Variants in NTNG2 observed in about 807,000 individuals in gnomAD.
The protein encoded by NTNG2 is netrin-G2.
Under a neutral mutation model 47.6 loss-of-function variants are expected in NTNG2, and 15 were observed. That is an observed-to-expected ratio of 0.32 (90% CI 0.21 to 0.49). NTNG2 has a LOEUF of 0.49. NTNG2 is among the 20% of genes least tolerant of loss of function. NTNG2 has a pLI of 0.99. For synonymous variants in NTNG2, 307 were observed against 324.6 expected (o/e 0.95, Z 0.58); for missense variants, 578 against 764.6 (o/e 0.76, Z 2.88).
intron 2 of NTNG2, among the ~76,000 whole-genome samples, chr9:132,186,595 T>A (rs11243655): frequency 0.52 from 79,659 of 152,070 alleles, 23,489 homozygotes; most frequent in African/African-American, 0.81. Context: ...GCTTCCCAGT[T>A]GACCCTCTCC....
chr9:132,201,406 T>C lies in NTNG2; in HGVS notation c.857+2797T>C, dbSNP rs528466520. On this transcript the variant is annotated intron_variant, in intron 3 of 7. Transcript: ENST00000393229. ...AACACTCTTCAGGCGGCAGCTTGGC[T>C]TGTCGTTGAACTCGGTTGGGTTAGA... Among the ~76,000 whole-genome samples the C allele has an allele frequency of 5.9e-5, 9 of 152,382 alleles. No individual in the cohort carries two copies. The South Asian group carries it at 1.9e-3, about 32-fold the overall frequency.
Position 132,239,186 on chromosome 9 carries a change from C to T in NTNG2, c.1137C>T (p.Asn379=). 1 of 1,613,916 alleles carries T rather than the reference C, an allele frequency of 6.2e-7. No individual in the cohort carries two copies. The highest frequency in any genetic ancestry group is 2.2e-5 in the East Asian group (1 of 44,892). ...TGACCTGCGTCAGCTGCAAGCACAACACGCGAGGTCAGCACTGCCAGCACT... is the reference window on the plus strand; with the variant it reads ...TGACCTGCGTCAGCTGCAAGCACAATACGCGAGGTCAGCACTGCCAGCACT... The part of the protein sequence containing the change: ...NVVTCVSCKH[N]TRGQHCQHCR... Residue 379 remains asparagine (N), a synonymous_variant, in exon 6 of 8, where the codon AAC becomes AAT. Coordinates refer to ENST00000393229, the MANE Select transcript of NTNG2 (RefSeq NM_032536.4).
rs555706880 is a variant in NTNG2 at position 132,162,537 on chromosome 9, T to A, written c.-484+298T>A. ...GTCCTTTCCGTCGTGTGTGTGAGAG[T>A]GTGTGTGTGTGTGTGTGTGAGAGAG... On this transcript the variant is annotated intron_variant, in intron 1 of 7. Transcript: ENST00000393229. This position sits in a 1 kb window ranked among gnomAD's most constrained non-coding sequence, Gnocchi z 4.6. Among the ~76,000 whole-genome samples, 99 of 100,506 alleles carry A rather than the reference T, an allele frequency of 9.9e-4. No individual in the cohort carries two copies. Among genetic ancestry groups the A allele is most frequent in the African/African-American group, 3.5e-3 (71 of 20,244 alleles). The allele number at this position is 100,506 out of a possible 152,430, so 65.9% of individuals were successfully genotyped here.
At chr9:132,227,870 G>T (rs949350294) in intron 4 of NTNG2, among the ~76,000 whole-genome samples, 2 of 152,232 alleles carry the variant, frequency 1.3e-5, no homozygotes, top group Admixed American at 1.3e-4. Context: ...GCCACAGACT[G>T]CCCCTGGGGT....
chr9:132,226,843 C>G lies in NTNG2; in HGVS notation c.858-6C>G. On this transcript the variant is annotated splice_polypyrimidine_tract_variant and splice_region_variant and intron_variant, in intron 3 of 7. Transcript: ENST00000393229. This position sits in a 1 kb window ranked among gnomAD's most constrained non-coding sequence, Gnocchi z 4.8. ...TGACATCTCTGCCCTCTCGGTGTCT[C>G]CCCAGGTGCAAGTGCAACCTGCACG... 6.3e-7 allele frequency: 1 copy of G among 1,592,844 alleles called. No homozygotes were observed. Among genetic ancestry groups the G allele is most frequent in the African/African-American group, 1.3e-5 (1 of 74,300 alleles).
chr9:132,199,781 C>A (rs1417259170), intron 3 of NTNG2, among the ~76,000 whole-genome samples: 3 of 152,202 alleles, frequency 2.0e-5, no homozygotes, highest in Non-Finnish European at 4.4e-5. Flanking sequence ...GGAGTCAGAT[C>A]TTTCTTTGGA....
rs1336992302 is a variant in NTNG2, at chr9:132,163,412, G to C, written c.-484+1173G>C. ...GGATAAAGGGCCCGCTCCGGAGCGG[G>C]GGGACACCCGGGCCGCCGGAATTAA... is the stretch of plus-strand genomic sequence containing the variant. On this transcript the variant is annotated intron_variant, in intron 1 of 7. Transcript: ENST00000393229. This position sits in a 1 kb window ranked among gnomAD's most constrained non-coding sequence, Gnocchi z 7.2. Among the ~76,000 whole-genome samples, 3 of 151,788 alleles carry C rather than the reference G, an allele frequency of 2.0e-5. No homozygotes were observed. Among genetic ancestry groups the C allele is most frequent in the African/African-American group, 4.8e-5 (2 of 41,372 alleles).
intron 3 of NTNG2, among the ~76,000 whole-genome samples, chr9:132,225,895 C>T (rs1303669278): frequency 1.3e-5 from 2 of 152,198 alleles, no homozygotes; most frequent in Admixed American, 6.5e-5. Context: ...CCAGATCTTG[C>T]GGATGGCATC....
At chr9:132,238,313 G>A (rs141720966) in intron 5 of NTNG2, among the ~76,000 whole-genome samples, 516 of 152,262 alleles carry the variant, frequency 3.4e-3, no homozygotes, top group Non-Finnish European at 5.8e-3. Context: ...TCCTTGGAGC[G>A]GAGCTGGTTA....
rs975813014 is a variant in NTNG2, at chr9:132,224,251, C to T, written c.858-2598C>T. On this transcript the variant is annotated intron_variant, in intron 3 of 7. Transcript: ENST00000393229. ...GTTCCCATTTCCCCACCCCCCTGCA[C>T]AGTTTCCCCTATTTTGGAGTATATG... 8.5e-5 allele frequency among the ~76,000 whole-genome samples: 13 copies of T among 152,158 alleles called. 1 individual carries two copies. Among genetic ancestry groups the T allele is most frequent in the Admixed American group, 7.2e-4 (11 of 15,260 alleles).
chr9:132,173,712 G>A (rs28588863), intron 2 of NTNG2, among the ~76,000 whole-genome samples: 6 of 148,742 alleles, frequency 4.0e-5, no homozygotes, highest in South Asian at 2.2e-4. Context: ...ATGGACAGAC[G>A]GACAGACAGG....
chr9:132,203,417 A>T (rs1207340535), intron 3 of NTNG2, among the ~76,000 whole-genome samples: 2 of 152,182 alleles, frequency 1.3e-5, no homozygotes, highest in African/African-American at 2.4e-5. Context: ...TACCTATGGT[A>T]CCAGCGGAAG....
intron 2 of NTNG2, among the ~76,000 whole-genome samples, chr9:132,167,574 G>A (rs1835589350): frequency 6.6e-6 from 1 of 152,296 alleles, no homozygotes; most frequent in African/African-American, 2.4e-5. Context: ...GGGGATTCAC[G>A]CAGGATGAAG....
intron 3 of NTNG2, among the ~76,000 whole-genome samples, chr9:132,199,150 G>A (rs1335095120): frequency 6.6e-6 from 1 of 152,164 alleles, no homozygotes; most frequent in Non-Finnish European, 1.5e-5. Context: ...GGAAGTGCAT[G>A]TGTTGGAGGT....
chr9:132,190,922 G>T (rs965210526), intron 2 of NTNG2, among the ~76,000 whole-genome samples: 3 of 152,128 alleles, frequency 2.0e-5, no homozygotes, highest in African/African-American at 7.2e-5. Flanking sequence ...GACCTTTCAG[G>T]TGACTTGCCT....
intron 2 of NTNG2, among the ~76,000 whole-genome samples, chr9:132,167,721 A>T (rs1211268417): frequency 1.3e-5 from 2 of 152,124 alleles, no homozygotes; most frequent in African/African-American, 2.4e-5. Flanking sequence ...CTAGCTAGAG[A>T]AGGAGGGGTC....
intron 6 of NTNG2, among the ~76,000 whole-genome samples, chr9:132,239,701 C>T (rs2361549): frequency 0.21 from 31,807 of 152,250 alleles, 3,692 homozygotes; most frequent in Admixed American, 0.35. Context: ...ATCCCTCCTC[C>T]TGCAGGGGCC....
At chr9:132,203,480 A>T (rs2130774923) in intron 3 of NTNG2, among the ~76,000 whole-genome samples, 1 of 152,350 alleles carries the variant, frequency 6.6e-6, no homozygotes, top group South Asian at 2.1e-4. Context: ...GCGCCTCACA[A>T]GACAGTGGAC....
chr9:132,202,668 G>A lies in NTNG2; in HGVS notation c.857+4059G>A, dbSNP rs188871596. Among the ~76,000 whole-genome samples, 883 of 152,318 alleles carry A rather than the reference G, an allele frequency of 5.8e-3. 9 individuals are homozygous for A. Among genetic ancestry groups the A allele is most frequent in the African/African-American group, 0.02 (846 of 41,576 alleles). The stretch of plus-strand genomic sequence containing the variant: ...ATCATCCCTTTATGGTGCTTGGAGC[G>A]GGAGGGGCCTCCGCCCCCACCCTCC... On this transcript the variant is annotated intron_variant, in intron 3 of 7. Coordinates refer to ENST00000393229, the MANE Select transcript of NTNG2 (RefSeq NM_032536.4).
Sources: gnomAD v4.1 joint callset for allele counts (sites outside exome capture counted in the v4.1 genomes callset) on GRCh38, gnomAD v4.1.1 for gene constraint, Gnocchi (gnomAD v3.1) non-coding constraint, MANE v1.5 for transcripts, NCBI Gene and HGNC (gene_info 2026-07-23, HGNC 2026-07-21) for gene names.